The following YIPF1 variants were observed in gnomAD, a reference collection of about 807,000 sequenced individuals.
YIPF1 encodes protein YIPF1.
YIPF1 carries 22 observed loss-of-function variants against 37.0 expected under a neutral mutation model. That is an observed-to-expected ratio of 0.59 (90% CI 0.42 to 0.85). YIPF1 has a LOEUF of 0.85. Ranked by LOEUF, YIPF1 falls within the 40% of genes least tolerant of loss-of-function variation. YIPF1 has a pLI of 0.00. For missense variants in YIPF1, 355 were observed against 373.1 expected, an observed-to-expected ratio of 0.95 and a Z score of 0.40; for synonymous variants, 128 against 131.9, an observed-to-expected ratio of 0.97 and a Z score of 0.21.
chr1:53,887,426 G>A (rs183394980), intron 3 of YIPF1, among the ~76,000 whole-genome samples: 2 of 151,924 alleles, frequency 1.3e-5, no homozygotes, highest in Non-Finnish European at 2.9e-5. Context: ...GGTTCTGAAA[G>A]AATGACATGA....
chr1:53,878,807 A>C, intron 4 of YIPF1, 85 bp from the exon 5 acceptor site: 1 of 1,277,944 alleles, frequency 7.8e-7, no homozygotes, highest in Non-Finnish European at 1.1e-6. Flanking sequence ...ATCTGATCTA[A>C]TGGAAAAGCA....
intron 3 of YIPF1, 111 bp from the exon 4 acceptor site, chr1:53,883,387 C>A (rs1650557248): frequency 1.6e-6 from 2 of 1,218,746 alleles, no homozygotes; most frequent in Admixed American, 8.1e-5. Flanking sequence ...TAGACCCTAC[C>A]TGATACAAAG....
At position 53,866,355 on chromosome 1, in the gene YIPF1, C is replaced by T. The variant is rs1419926355; in HGVS notation, c.676G>A (p.Val226Ile). 6 of 1,613,954 alleles carry T rather than the reference C, an allele frequency of 3.7e-6. No individual in the cohort carries two copies. The highest frequency in any genetic ancestry group is 4.2e-6 in the Non-Finnish European group (5 of 1,180,002). ...AILWIIPQKA[V>I]RWILVMIALG... ...GCAATCATGACTAGAATCCAACGAACAGCTTTCTGGGGGATAATCCACAGT... is the reference window on the plus strand; with the variant it reads ...GCAATCATGACTAGAATCCAACGAATAGCTTTCTGGGGGATAATCCACAGT... The change falls in exon 9 of 11, where the codon GTT becomes ATT. Residue 226 changes from valine (V) to isoleucine (I), a missense_variant. Coordinates refer to ENST00000072644, the MANE Select transcript of YIPF1 (RefSeq NM_018982.5).
Position 53,866,376 on chromosome 1 carries a change from A to T in YIPF1, c.655T>A (p.Trp219Arg). 1 of 1,613,884 alleles carries T rather than the reference A, an allele frequency of 6.2e-7. No homozygotes were observed. Among genetic ancestry groups the T allele is most frequent in the South Asian group, 1.1e-5 (1 of 91,028 alleles). The change falls in exon 9 of 11, where the codon TGG becomes AGG. Residue 219 changes from tryptophan (W) to arginine (R), a missense_variant. Physicochemically the swap from Trp to Arg is moderately radical, Grantham distance 101. Transcript: ENST00000072644. Reference protein sequence around the residue: ...LFIYIPTAILWIIPQKAVRWI... With the variant: ...LFIYIPTAILRIIPQKAVRWI... Reference sequence around the variant, plus strand: ...CGAACAGCTTTCTGGGGGATAATCCACAGTATCTGAAAGAAGAGAAAAGGA... The same window carrying T: ...CGAACAGCTTTCTGGGGGATAATCCTCAGTATCTGAAAGAAGAGAAAAGGA...
At chr1:53,889,103 T>C (rs918738415) in intron 2 of YIPF1, 117 bp from the exon 3 acceptor site, 12 of 526,416 alleles carry the variant, frequency 2.3e-5, no homozygotes, top group South Asian at 5.8e-5. Flanking sequence ...TGGGGTTTAA[T>C]AGGTTTATAT....
chr1:53,860,620 G>A (rs925500426), intron 9 of YIPF1, among the ~76,000 whole-genome samples: 1 of 152,174 alleles, frequency 6.6e-6, no homozygotes, highest in Non-Finnish European at 1.5e-5. Context: ...CCCCTGCACA[G>A]GGCCTGGCAC....
intron 7 of YIPF1, among the ~76,000 whole-genome samples, chr1:53,867,406 T>C (rs566982710): frequency 7.1e-6 from 1 of 141,256 alleles, no homozygotes; most frequent in East Asian, 2.1e-4. Context: ...AGAGTCTTGC[T>C]CTGTCGCCCA....
chr1:53,869,968 G>A (rs1402478305), intron 7 of YIPF1, among the ~76,000 whole-genome samples: 1 of 146,544 alleles, frequency 6.8e-6, no homozygotes, highest in African/African-American at 2.5e-5. Context: ...CGCCTCCTGG[G>A]TTCAACCAAT....
Position 53,878,553 on chromosome 1 carries a change from T to C in YIPF1, c.276+89A>G, listed in dbSNP as rs193177937. ...CTTTTGTAAGACCATTTTCAGTATATAAAGGCTTTCACATTATTTGGTTGT... is the reference window on the plus strand; with the variant it reads ...CTTTTGTAAGACCATTTTCAGTATACAAAGGCTTTCACATTATTTGGTTGT... On this transcript the variant is annotated intron_variant, in intron 5 of 10. Transcript: ENST00000072644. The C allele has an allele frequency of 4.2e-5, 63 of 1,492,956 alleles. 1 individual carries two copies. The Admixed American group carries it at 1.1e-3, about 27-fold the overall frequency. The allele number at this position is 1,492,956 out of a possible 1,614,324, so 92.5% of individuals were successfully genotyped here.
rs7549788 is a variant in YIPF1 at position 53,885,223 on chromosome 1, C to G, written c.32-1947G>C. 8.7e-3 allele frequency among the ~76,000 whole-genome samples: 1,322 copies of G among 152,296 alleles called. 26 individuals carry two copies. Among genetic ancestry groups the G allele is most frequent in the African/African-American group, 0.03 (1,253 of 41,570 alleles). ...ATAATAACTATCATTACAGGTACCT[C>G]TTATTGATTGTACAGGGCAATGACA... On this transcript the variant is annotated intron_variant, in intron 3 of 10. Transcript: ENST00000072644.
chr1:53,883,282 A>C lies in YIPF1; in HGVS notation c.32-6T>G. 2 of 1,558,292 alleles carry C rather than the reference A, an allele frequency of 1.3e-6. No homozygotes were observed. The highest frequency in any genetic ancestry group is 1.4e-5 in the African/African-American group (1 of 72,258). On this transcript the variant is annotated splice_region_variant and splice_polypyrimidine_tract_variant and intron_variant, in intron 3 of 10. Coordinates refer to ENST00000072644, the MANE Select transcript of YIPF1 (RefSeq NM_018982.5). ...AGTGGCTGCATTGCCAAATTCTGAA[A>C]TCAATTAGAGCACACGGGCCTCAGA...
At chr1:53,871,012 C>CA (rs57949076) in intron 7 of YIPF1, among the ~76,000 whole-genome samples, 1,314 of 63,476 alleles carry the variant, frequency 0.021, 8 homozygotes, top group Middle Eastern at 0.027. Context: ...GTCACTGTCT[C>CA]AAAAAAAAAA....
chr1:53,852,606 G>T (rs1022854204), intron 10 of YIPF1, among the ~76,000 whole-genome samples: 4 of 152,154 alleles, frequency 2.6e-5, no homozygotes, highest in African/African-American at 9.7e-5. Flanking sequence ...CACTAGAGGA[G>T]AAAAGATAAG....
At chr1:53,862,061 C>T (rs1162388304) in intron 9 of YIPF1, among the ~76,000 whole-genome samples, 1 of 152,202 alleles carries the variant, frequency 6.6e-6, no homozygotes, top group Non-Finnish European at 1.5e-5. Context: ...ATCTTGAATT[C>T]TATGATTCAT....
intron 6 of YIPF1, among the ~76,000 whole-genome samples, chr1:53,874,488 C>T (rs1280914296): frequency 5.3e-5 from 8 of 152,136 alleles, no homozygotes; most frequent in Middle Eastern, 6.8e-3. Context: ...ATTTTTAGGC[C>T]GGGCATGGTG....
chr1:53,872,119 A>T (rs1249944317), intron 6 of YIPF1, among the ~76,000 whole-genome samples: 2 of 151,954 alleles, frequency 1.3e-5, no homozygotes, highest in East Asian at 3.9e-4. Context: ...TAAAATTAAA[A>T]ATTAAAAAAA....
chr1:53,872,110 A>G (rs549123245), intron 6 of YIPF1, among the ~76,000 whole-genome samples: 1 of 152,074 alleles, frequency 6.6e-6, no homozygotes, highest in South Asian at 2.1e-4. Flanking sequence ...CACAAAAATT[A>G]AAATTAAAAA....
At position 53,853,646 on chromosome 1, in the gene YIPF1, G is replaced by T. The variant is rs79193797; in HGVS notation, c.*9-1376C>A. Among the ~76,000 whole-genome samples, 582 of 152,306 alleles carry T rather than the reference G, an allele frequency of 3.8e-3. 3 individuals carry two copies. Among genetic ancestry groups the T allele is most frequent in the African/African-American group, 0.013 (522 of 41,560 alleles). ...ATGATACCACGAAGGTGAGGCTAAG[G>T]CAAGGGCTAACTGCCCAAGTCTACT... On this transcript the variant is annotated intron_variant, in intron 10 of 10. Transcript: ENST00000072644.
chr1:53,855,020 C>T (rs2100715994), intron 10 of YIPF1: 1 of 151,602 alleles, frequency 6.6e-6, no homozygotes, highest in East Asian at 2.0e-4. Context: ...TCAAGAAAAA[C>T]TTCAGCAAGG....
Sources: gnomAD v4.1 joint callset for allele counts (sites outside exome capture counted in the v4.1 genomes callset) on GRCh38, gnomAD v4.1.1 for gene constraint, MANE v1.5 for transcripts, NCBI Gene and HGNC (gene_info 2026-07-23, HGNC 2026-07-21) for gene names.